PTPRM: variants seen among roughly 807,000 people sequenced by gnomAD.
PTPRM encodes the protein receptor-type tyrosine-protein phosphatase mu.
In PTPRM, 47 loss-of-function variants were observed where a neutral mutation model predicts 186.7. The observed-to-expected ratio is 0.25, with a 90% confidence interval of 0.20 to 0.32. The LOEUF (loss-of-function observed/expected upper bound fraction) is 0.32, where lower values mean the gene tolerates loss of function less well. Among genes scored for constraint, PTPRM ranks in the 10% least tolerant of loss-of-function variants. The pLI is 1.00. For synonymous variants in PTPRM, 668 were observed against 674.9 expected (o/e 0.99, Z 0.16); for missense variants, 1,494 against 1,865.0 (o/e 0.80, Z 3.66).
chr18:8,379,215 G>C lies in PTPRM; in HGVS notation c.3661G>C (p.Ala1221Pro), dbSNP rs779665748. The stretch of plus-strand genomic sequence containing the variant: ...GCTGCGAGTAGAGGACTGCAGCATC[G>C]CACTGTTGCCCCGGAACCATGAGAA... ...PTLRVEDCSI[A>P]LLPRNHEKNR... The change falls in exon 28 of 33, where the codon GCA (alanine) becomes CCA (proline). Residue 1221 changes from alanine to proline, a missense_variant. By Grantham distance (27) the Ala-to-Pro change is conservative. Coordinates refer to ENST00000580170, the MANE Select transcript of PTPRM (RefSeq NM_001105244.2). 1.9e-6 allele frequency: 3 copies of C among 1,613,740 alleles called. No homozygotes were observed. The highest frequency in any genetic ancestry group is 2.5e-6 in the Non-Finnish European group (3 of 1,179,816).
chr18:8,379,363 G>A (rs368717047), intron 28 of PTPRM, 23 bp downstream of exon 28: 94 of 1,582,644 alleles, frequency 5.9e-5, no homozygotes, highest in African/African-American at 1.7e-4. Flanking sequence ...CTTCCCGCAC[G>A]GGTCCGAGGC....
intron 19 of PTPRM, among the ~76,000 whole-genome samples, chr18:8,289,369 G>C (rs186123642): frequency 2.0e-3 from 294 of 148,356 alleles, no homozygotes; most frequent in African/African-American, 7.0e-3. Context: ...CATGGGGACT[G>C]TTTATAGGCA....
At chr18:7,931,088 C>T (rs1022858531) in intron 5 of PTPRM, among the ~76,000 whole-genome samples, 5 of 151,942 alleles carry the variant, frequency 3.3e-5, no homozygotes, top group Non-Finnish European at 5.9e-5. Context: ...TTTCTTGTAT[C>T]GAAAAACCTA....
At chr18:7,752,685 C>T (rs558383729) in intron 1 of PTPRM, among the ~76,000 whole-genome samples, 4 of 152,046 alleles carry the variant, frequency 2.6e-5, no homozygotes, top group African/African-American at 4.8e-5. Context: ...TCAGGTGATC[C>T]GCCTACCTCG....
At chr18:8,365,723 A>G (rs1461147478) in intron 23 of PTPRM, 1 of 152,336 alleles carries the variant, frequency 6.6e-6, no homozygotes, top group Non-Finnish European at 1.5e-5. Flanking sequence ...ATCATAAGCC[A>G]TGCACAATTG....
chr18:7,940,447 G>A (rs573493796), intron 5 of PTPRM, among the ~76,000 whole-genome samples: 19 of 152,304 alleles, frequency 1.2e-4, no homozygotes, highest in Non-Finnish European at 2.4e-4. Context: ...GAATTTAGGC[G>A]TCAGGTTAGG....
At chr18:7,934,178 G>A (rs1448432158) in intron 5 of PTPRM, among the ~76,000 whole-genome samples, 1 of 152,148 alleles carries the variant, frequency 6.6e-6, no homozygotes, top group African/African-American at 2.4e-5. Flanking sequence ...CATAGTAATA[G>A]ATGAATTAAA....
intron 2 of PTPRM, among the ~76,000 whole-genome samples, chr18:7,852,725 A>G (rs1457239546): frequency 6.6e-6 from 1 of 151,786 alleles, no homozygotes; most frequent in Non-Finnish European, 1.5e-5. Flanking sequence ...GGATGGTGGC[A>G]TGCACTTGTA....
intron 14 of PTPRM, among the ~76,000 whole-genome samples, chr18:8,240,790 GAGAGA>G (rs2094422181): frequency 1.3e-4 from 4 of 31,166 alleles, no homozygotes; most frequent in African/African-American, 8.6e-4. Context: ...GAGAGAGAGA[GAGAGA>G]GAGAGAGAGA....
chr18:8,149,758 T>C (rs1306803258), intron 14 of PTPRM, among the ~76,000 whole-genome samples: 3 of 152,208 alleles, frequency 2.0e-5, no homozygotes, highest in Non-Finnish European at 4.4e-5. Context: ...GTCTTTACAA[T>C]TTGGTATGTT....
At chr18:7,966,220 G>T (rs972398407) in intron 7 of PTPRM, among the ~76,000 whole-genome samples, 3 of 152,122 alleles carry the variant, frequency 2.0e-5, no homozygotes, top group South Asian at 2.1e-4. Context: ...TTATTAGGAA[G>T]TATAGTTATA....
chr18:8,253,298 G>A lies in PTPRM; in HGVS notation c.2638G>A (p.Ala880Thr), dbSNP rs774714198. The A allele has an allele frequency of 1.3e-6, 2 of 1,597,334 alleles. No individual in the cohort carries two copies. Among genetic ancestry groups the A allele is most frequent in the Non-Finnish European group, 1.7e-6 (2 of 1,172,056 alleles). The stretch of plus-strand genomic sequence containing the variant: ...CCATACTTACAAGAAGCGAGAGCCG[G>A]CCGACGTGCCCTATCAGACTGGGCA... ...QSHTYKKREPADVPYQTGQLH... is the reference protein window; with the variant it reads ...QSHTYKKREPTDVPYQTGQLH... The change falls in exon 19 of 33, where the codon GCC becomes ACC. Residue 880 changes from alanine to threonine, a missense_variant. This residue lies in a region of PTPRM where 1,107 missense variants were observed against 1,350.2 expected (regional missense o/e 0.82). Transcript: ENST00000580170.
At chr18:8,385,861 C>T (rs1460042612) in intron 30 of PTPRM, among the ~76,000 whole-genome samples, 1 of 152,090 alleles carries the variant, frequency 6.6e-6, no homozygotes, top group Non-Finnish European at 1.5e-5. Context: ...GGATAATAAT[C>T]CCCGTGAGAA....
intron 14 of PTPRM, among the ~76,000 whole-genome samples, chr18:8,181,753 C>T (rs572059716): frequency 1.3e-5 from 2 of 152,264 alleles, no homozygotes; most frequent in Non-Finnish European, 2.9e-5. Flanking sequence ...TCAGGCTTTC[C>T]CCAGCTTAAC....
At chr18:7,790,324 G>T (rs889913517) in intron 2 of PTPRM, among the ~76,000 whole-genome samples, 2 of 152,166 alleles carry the variant, frequency 1.3e-5, no homozygotes, top group Admixed American at 1.3e-4. Context: ...AGCTCCAGGG[G>T]AGCACGTTTA....
chr18:8,160,446 A>T lies in PTPRM; in HGVS notation c.2300+16667A>T, dbSNP rs149638208. Reference sequence around the variant, plus strand: ...GCAGACATGCGCCACCACGCCCAGAAAATTTTGGGGTTTTGTTGTTGTTGT... The same window carrying T: ...GCAGACATGCGCCACCACGCCCAGATAATTTTGGGGTTTTGTTGTTGTTGT... On this transcript the variant is annotated intron_variant, in intron 14 of 32. Transcript: ENST00000580170. Among the ~76,000 whole-genome samples, 905 of 151,986 alleles carry T rather than the reference A, an allele frequency of 6.0e-3. 5 individuals are homozygous for T. Among genetic ancestry groups the T allele is most frequent in the African/African-American group, 0.02 (847 of 41,460 alleles).
At chr18:8,367,079 A>C (rs934808790) in intron 23 of PTPRM, 2 of 152,188 alleles carry the variant, frequency 1.3e-5, no homozygotes, top group Admixed American at 6.5e-5. Flanking sequence ...CCAGACACGG[A>C]AACTCTAAAT....
chr18:7,683,985 T>G (rs1300824151), intron 1 of PTPRM, among the ~76,000 whole-genome samples: 3 of 152,180 alleles, frequency 2.0e-5, no homozygotes, highest in Non-Finnish European at 4.4e-5. Context: ...TCTGCCTGCC[T>G]TTTCCTGTGG....
intron 7 of PTPRM, among the ~76,000 whole-genome samples, chr18:7,959,597 G>A (rs2053535941): frequency 6.6e-6 from 1 of 152,126 alleles, no homozygotes; most frequent in African/African-American, 2.4e-5. Context: ...CAAAACTCTT[G>A]CTTCTTATGC....
Sources: gnomAD v4.1 joint callset for allele counts (sites outside exome capture counted in the v4.1 genomes callset) on GRCh38, gnomAD v4.1.1 for gene constraint, gnomAD v4.1.1 regional missense constraint, MANE v1.5 for transcripts, NCBI Gene and HGNC (gene_info 2026-07-23, HGNC 2026-07-21) for gene names.